MED27: variants seen among roughly 807,000 people sequenced by gnomAD.
MED27 encodes mediator of RNA polymerase II transcription subunit 27.
MED27 carries 30 observed loss-of-function variants against 38.2 expected under a neutral mutation model. The observed-to-expected ratio is 0.79, with a 90% CI of 0.59 to 1.07. MED27 has a LOEUF of 1.07. MED27 is among the 50% of genes least tolerant of loss of function. The probability of loss-of-function intolerance (pLI) is 0.00; values close to 1 mark genes in which losing one functional copy is unlikely to be tolerated. For missense variants in MED27, 289 were observed against 397.5 expected, an observed-to-expected ratio of 0.73 and a Z score of 2.32; for synonymous variants, 122 against 153.5, an observed-to-expected ratio of 0.79 and a Z score of 1.52.
At chr9:131,981,971 C>T (rs1382850354) in intron 3 of MED27, among the ~76,000 whole-genome samples, 4 of 152,182 alleles carry the variant, frequency 2.6e-5, no homozygotes, top group South Asian at 2.1e-4. Context: ...CCTCCCCTGA[C>T]GTCCAGCCCG....
chr9:131,905,961 T>C (rs112599424), intron 4 of MED27, among the ~76,000 whole-genome samples: 2 of 152,202 alleles, frequency 1.3e-5, no homozygotes, highest in Non-Finnish European at 2.9e-5. Flanking sequence ...GCTAACAGTC[T>C]AGTGAAGGAG....
intron 2 of MED27, among the ~76,000 whole-genome samples, chr9:132,056,360 T>C (rs142234301): frequency 1.3e-5 from 2 of 152,336 alleles, no homozygotes; most frequent in East Asian, 3.9e-4. Flanking sequence ...ATAAGGCTGA[T>C]GCCCTAGTAA....
Position 131,893,938 on chromosome 9 carries a change from C to T in MED27, c.628G>A (p.Asp210Asn), listed in dbSNP as rs749162658. 6.2e-7 allele frequency: 1 copy of T among 1,614,194 alleles called. No homozygotes were observed. Among genetic ancestry groups the T allele is most frequent in the Non-Finnish European group, 8.5e-7 (1 of 1,180,042 alleles). The change falls in exon 5 of 8, where the codon GAT becomes AAT. Residue 210 changes from aspartate (D) to asparagine (N), a missense_variant. Physicochemically the swap from Asp to Asn is conservative, Grantham distance 23 (BLOSUM62 1). Coordinates refer to ENST00000292035, the MANE Select transcript of MED27 (RefSeq NM_004269.4). ...TTATATCCCTTTACTATTGTTCGATCAATGAACAGGCTCCGCATGACGACG... is the reference window on the plus strand; with the variant it reads ...TTATATCCCTTTACTATTGTTCGATTAATGAACAGGCTCCGCATGACGACG... The part of the protein sequence containing the change: ...VIVVMRSLFI[D>N]RTIVKGYNEN...
At chr9:132,015,243 C>T (rs1040146167) in intron 2 of MED27, among the ~76,000 whole-genome samples, 1 of 152,094 alleles carries the variant, frequency 6.6e-6, no homozygotes, top group African/African-American at 2.4e-5. Flanking sequence ...TGAAAAGAAT[C>T]GAATGGAGAA....
chr9:131,957,158 A>G (rs535859600), intron 3 of MED27, among the ~76,000 whole-genome samples: 172 of 152,326 alleles, frequency 1.1e-3, no homozygotes, highest in Middle Eastern at 6.8e-3. Context: ...CACATACAAC[A>G]TAAGATTCAA....
chr9:132,030,148 T>C (rs543355487), intron 2 of MED27, among the ~76,000 whole-genome samples: 156 of 152,338 alleles, frequency 1.0e-3, no homozygotes, highest in Middle Eastern at 6.8e-3. Context: ...TGTTAGGGGA[T>C]TCGGGCCTCT....
intron 6 of MED27, among the ~76,000 whole-genome samples, chr9:131,882,910 C>CTTTTT (rs112709962): frequency 1.4e-5 from 2 of 141,838 alleles, no homozygotes; most frequent in African/African-American, 5.1e-5. Flanking sequence ...TCAGTGGATA[C>CTTTTT]TTTTTTTTTT....
chr9:131,984,444 C>T (rs1467990978), intron 3 of MED27, among the ~76,000 whole-genome samples: 1 of 152,176 alleles, frequency 6.6e-6, no homozygotes, highest in Non-Finnish European at 1.5e-5. Context: ...GTTCTAGGCA[C>T]TGGGGTTACA....
intron 3 of MED27, among the ~76,000 whole-genome samples, chr9:131,962,944 T>C (rs1831248084): frequency 6.6e-6 from 1 of 152,224 alleles, no homozygotes; most frequent in South Asian, 2.1e-4. Flanking sequence ...TGATTTTCAT[T>C]CCACAGATGT....
chr9:131,871,858 G>A lies in MED27; in HGVS notation c.724-8718C>T, dbSNP rs546016394. 5.9e-5 allele frequency among the ~76,000 whole-genome samples: 9 copies of A among 152,128 alleles called. No individual in the cohort carries two copies. In the South Asian group the frequency reaches 1.7e-3, roughly 28 times the overall value. On this transcript the variant is annotated intron_variant, in intron 6 of 7. Transcript: ENST00000292035. ...ACCTCTTTCCTATCTTTTTTCCTCCGAATTTTCTGAATACTTTCAACTTGG... is the reference window on the plus strand; with the variant it reads ...ACCTCTTTCCTATCTTTTTTCCTCCAAATTTTCTGAATACTTTCAACTTGG...
chr9:132,077,437 C>G lies in MED27; in HGVS notation c.348+5G>C, dbSNP rs1463652047. ...TATTAGCTCCGTTTATTACATCTCC[C>G]TTACCTTGTTTGACCACTTATATGC... is the stretch of plus-strand genomic sequence containing the variant. On this transcript the variant is annotated splice_donor_5th_base_variant and intron_variant, in intron 2 of 7. Coordinates refer to ENST00000292035, the MANE Select transcript of MED27 (RefSeq NM_004269.4). 1 of 1,613,376 alleles carries G rather than the reference C, an allele frequency of 6.2e-7. No individual in the cohort carries two copies. Among genetic ancestry groups the G allele is most frequent in the Admixed American group, 1.7e-5 (1 of 59,868 alleles).
At chr9:131,975,216 T>C (rs1366889864) in intron 3 of MED27, among the ~76,000 whole-genome samples, 5 of 152,224 alleles carry the variant, frequency 3.3e-5, no homozygotes. Flanking sequence ...TATCTCCAAT[T>C]TTATAATCAA....
chr9:131,893,316 A>G (rs1839259209), intron 5 of MED27, among the ~76,000 whole-genome samples: 1 of 152,094 alleles, frequency 6.6e-6, no homozygotes, highest in South Asian at 2.1e-4. Flanking sequence ...CTCTCTGTGG[A>G]GCCATATGGA....
Position 131,883,917 on chromosome 9 carries a change from T to A in MED27, c.723+141A>T. Reference sequence around the variant, plus strand: ...GTTTTTTTCCAGAATGTCATACATATGGAATCAGACAGTGAGCATCCTTTT... The same window carrying A: ...GTTTTTTTCCAGAATGTCATACATAAGGAATCAGACAGTGAGCATCCTTTT... On this transcript the variant is annotated intron_variant, in intron 6 of 7. Coordinates refer to ENST00000292035, the MANE Select transcript of MED27 (RefSeq NM_004269.4). This position sits in a 1 kb window ranked among gnomAD's most constrained non-coding sequence, Gnocchi z 4.2. The A allele has an allele frequency of 1.5e-6, 1 of 677,770 alleles. No homozygotes were observed. Among genetic ancestry groups the A allele is most frequent in the East Asian group, 2.9e-5 (1 of 34,572 alleles). 42.0% of individuals were successfully genotyped at this position (677,770 alleles called of 1,614,324 possible). A position where few individuals can be genotyped will look rare whatever the true frequency, so the allele number is the denominator to read the frequency against.
intron 3 of MED27, among the ~76,000 whole-genome samples, chr9:132,001,660 T>C (rs1564319607): frequency 6.6e-6 from 1 of 152,184 alleles, no homozygotes; most frequent in Non-Finnish European, 1.5e-5. Flanking sequence ...CCAGAGCTGA[T>C]GAGGCAGCAA....
chr9:131,919,586 TGGG>T (rs1211254011), intron 4 of MED27, among the ~76,000 whole-genome samples: 1 of 151,840 alleles, frequency 6.6e-6, no homozygotes, highest in African/African-American at 2.4e-5. Context: ...ATTTGGAAAA[TGGG>T]GGATAATGCC....
At chr9:131,884,904 G>A (rs1055607854) in intron 5 of MED27, among the ~76,000 whole-genome samples, 5 of 152,094 alleles carry the variant, frequency 3.3e-5, no homozygotes, top group African/African-American at 1.2e-4. Flanking sequence ...CATTACACTG[G>A]ACCCTTTTTA....
chr9:131,956,390 C>T (rs1831100791), intron 3 of MED27, among the ~76,000 whole-genome samples: 2 of 152,118 alleles, frequency 1.3e-5, no homozygotes, highest in South Asian at 4.1e-4. Flanking sequence ...CCGAGGCGGG[C>T]AGATCACCTG....
intron 4 of MED27, among the ~76,000 whole-genome samples, chr9:131,934,794 A>G (rs893147081): frequency 2.0e-5 from 3 of 152,216 alleles, no homozygotes; most frequent in Non-Finnish European, 4.4e-5. Context: ...ACAATAGCCA[A>G]AATTTGGAAA....
Sources: gnomAD v4.1 joint callset for allele counts (sites outside exome capture counted in the v4.1 genomes callset) on GRCh38, gnomAD v4.1.1 for gene constraint, Gnocchi (gnomAD v3.1) non-coding constraint, MANE v1.5 for transcripts, NCBI Gene and HGNC (gene_info 2026-07-23, HGNC 2026-07-21) for gene names.